GRIA1: variants seen among roughly 807,000 people sequenced by gnomAD.
GRIA1 encodes the protein glutamate ionotropic receptor AMPA type subunit 1.
In GRIA1, 31 loss-of-function variants were observed where a neutral mutation model predicts 99.2. That is an observed-to-expected ratio of 0.31 (90% confidence interval 0.23 to 0.42). The LOEUF (loss-of-function observed/expected upper bound fraction) is 0.42. Among genes scored for constraint, GRIA1 ranks in the 10% least tolerant of loss-of-function variants. GRIA1 has a pLI of 1.00. For synonymous variants in GRIA1, 438 were observed against 432.4 expected (o/e 1.01, Z -0.16); for missense variants, 782 against 1,157.5 (o/e 0.68, Z 4.71).
chr5:153,625,259 C>A (rs994373102), intron 2 of GRIA1, among the ~76,000 whole-genome samples: 30 of 152,306 alleles, frequency 2.0e-4, no homozygotes, highest in Middle Eastern at 6.8e-3. Context: ...GATTTGATTT[C>A]TACTCCTACT....
chr5:153,783,216 A>G (rs1764750806), intron 13 of GRIA1, among the ~76,000 whole-genome samples: 1 of 152,184 alleles, frequency 6.6e-6, no homozygotes. Context: ...TCTTCCTTTC[A>G]TTGAACCAGG....
intron 2 of GRIA1, among the ~76,000 whole-genome samples, chr5:153,628,755 C>A (rs1359413940): frequency 6.6e-6 from 1 of 152,020 alleles, no homozygotes; most frequent in African/African-American, 2.4e-5. Context: ...TTTTTCTATA[C>A]AATAGAGCAA....
At position 153,647,121 on chromosome 5, in the gene GRIA1, C is replaced by G. The variant is rs765698127; in HGVS notation, c.414C>G (p.Asp138Glu). The G allele has an allele frequency of 3.1e-6, 5 of 1,613,834 alleles. No individual in the cohort carries two copies. The highest frequency in any genetic ancestry group is 3.4e-6 in the Non-Finnish European group (4 of 1,179,872). The change falls in exon 3 of 16, where the codon GAC becomes GAG. Residue 138 changes from aspartate to glutamate, a missense_variant. Transcript: ENST00000285900. The stretch of plus-strand genomic sequence containing the variant: ...AGGATGCCCTCATCAGCATCATTGA[C>G]CATTACAAGTGGCAGAAATTTGTCT... ...ELQDALISII[D>E]HYKWQKFVYI... is the part of the protein sequence containing the mutation.
chr5:153,698,467 T>G (rs968663317), intron 9 of GRIA1, among the ~76,000 whole-genome samples: 7 of 152,202 alleles, frequency 4.6e-5, no homozygotes, highest in Non-Finnish European at 1.0e-4. Flanking sequence ...CAGTAGAAGC[T>G]ATTTTCAAAG....
intron 11 of GRIA1, among the ~76,000 whole-genome samples, chr5:153,709,191 T>A (rs187787942): frequency 1.2e-4 from 18 of 152,370 alleles, no homozygotes; most frequent in Admixed American, 9.8e-4. Context: ...GTAAGTTTCA[T>A]GACCTTCTGA....
chr5:153,761,993 C>T (rs570217192), intron 11 of GRIA1, among the ~76,000 whole-genome samples: 59 of 152,186 alleles, frequency 3.9e-4, no homozygotes, highest in Non-Finnish European at 7.2e-4. Flanking sequence ...CAGAGTAAAA[C>T]AGTGGTTCCA....
intron 2 of GRIA1, among the ~76,000 whole-genome samples, chr5:153,542,012 A>G (rs1759171318): frequency 6.6e-6 from 1 of 150,880 alleles, no homozygotes; most frequent in Admixed American, 6.6e-5. Flanking sequence ...TCATCCTGCA[A>G]CTTGAACTTT....
In GRIA1 at chr5:153,688,204, C is replaced by A. The variant is rs1480429222; in HGVS notation, c.1134+1875C>A. 2.0e-5 allele frequency among the ~76,000 whole-genome samples: 3 copies of A among 152,284 alleles called. No homozygotes were observed. In the East Asian group the frequency reaches 5.8e-4, roughly 29 times the overall value. ...CTCCTTCAGGAATCAGCTACAGTAA[C>A]CTGCCTTGACTTACAGCAGGTACCA... On this transcript the variant is annotated intron_variant, in intron 8 of 15. Transcript: ENST00000285900.
intron 11 of GRIA1, among the ~76,000 whole-genome samples, chr5:153,717,227 T>C (rs1581527217): frequency 6.6e-6 from 1 of 151,206 alleles, no homozygotes; most frequent in East Asian, 1.9e-4. Context: ...ATAGAATCAG[T>C]GCTAGAGTTC....
intron 2 of GRIA1, among the ~76,000 whole-genome samples, chr5:153,533,680 C>A (rs541670673): frequency 2.6e-5 from 4 of 152,128 alleles, no homozygotes; most frequent in Non-Finnish European, 4.4e-5. Flanking sequence ...ACAGTTTAAC[C>A]TTTGCTTTTG....
At chr5:153,566,954 T>A (rs1235285650) in intron 2 of GRIA1, among the ~76,000 whole-genome samples, 1 of 152,106 alleles carries the variant, frequency 6.6e-6, no homozygotes, top group Non-Finnish European at 1.5e-5. Flanking sequence ...TGACCTCGGG[T>A]GATCCACCCG....
intron 2 of GRIA1, 42 bp from the exon 3 acceptor site, chr5:153,646,886 T>C (rs1217249143): frequency 1.2e-6 from 2 of 1,604,718 alleles, no homozygotes; most frequent in African/African-American, 2.7e-5. Flanking sequence ...TCTGACCACT[T>C]TTTGCAGTCT....
At chr5:153,717,258 G>T (rs143044533) in intron 11 of GRIA1, among the ~76,000 whole-genome samples, 2 of 152,136 alleles carry the variant, frequency 1.3e-5, no homozygotes, top group Admixed American at 6.6e-5. Flanking sequence ...GGAAAAATTC[G>T]TGTGGGCTAA....
intron 2 of GRIA1, among the ~76,000 whole-genome samples, chr5:153,497,191 A>C (rs1754524540): frequency 6.6e-6 from 1 of 152,206 alleles, no homozygotes; most frequent in Non-Finnish European, 1.5e-5. Flanking sequence ...TTGAATCAGC[A>C]ACCCAATGCC....
intron 2 of GRIA1, among the ~76,000 whole-genome samples, chr5:153,617,721 C>T (rs889778302): frequency 6.6e-6 from 1 of 152,192 alleles, no homozygotes; most frequent in Admixed American, 6.5e-5. Context: ...CCTCTAATCT[C>T]ATATTTATTA....
chr5:153,492,143 T>C (rs903431204), intron 1 of GRIA1: 8 of 1,441,914 alleles, frequency 5.5e-6, no homozygotes, highest in African/African-American at 1.4e-5. Flanking sequence ...TTGTGCTCTT[T>C]TGTGAGTGTG....
At chr5:153,748,495 T>A (rs1331989163) in intron 11 of GRIA1, among the ~76,000 whole-genome samples, 1 of 152,198 alleles carries the variant, frequency 6.6e-6, no homozygotes, top group African/African-American at 2.4e-5. Flanking sequence ...TTGGATTTTA[T>A]CTTCTAAGTG....
chr5:153,626,026 A>C (rs556770001), intron 2 of GRIA1, among the ~76,000 whole-genome samples: 3 of 152,122 alleles, frequency 2.0e-5, no homozygotes, highest in Non-Finnish European at 4.4e-5. Flanking sequence ...AGGCCACCGA[A>C]CCTGGAGGGA....
intron 11 of GRIA1, among the ~76,000 whole-genome samples, chr5:153,745,345 T>G (rs1762077198): frequency 6.6e-6 from 1 of 151,298 alleles, no homozygotes; most frequent in Non-Finnish European, 1.5e-5. Flanking sequence ...CCCAGCACTT[T>G]GGGAGGCCAA....
Sources: gnomAD v4.1 joint callset for allele counts (sites outside exome capture counted in the v4.1 genomes callset) on GRCh38, gnomAD v4.1.1 for gene constraint, MANE v1.5 for transcripts, NCBI Gene and HGNC (gene_info 2026-07-23, HGNC 2026-07-21) for gene names.